The following SLCO1B1 variants were observed in gnomAD, a reference collection of about 807,000 sequenced individuals.
SLCO1B1 encodes the protein solute carrier organic anion transporter family member 1B1, also known as OATP-2.
Under a neutral mutation model 70.1 loss-of-function variants are expected in SLCO1B1, and 81 were observed. The observed-to-expected ratio is 1.16, with a 90% CI of 0.97 to 1.39. SLCO1B1 has a LOEUF of 1.39. Ranked by LOEUF, SLCO1B1 falls within the 40% of genes most tolerant of loss-of-function variation. SLCO1B1 has a pLI of 0.00. For missense variants in SLCO1B1, 895 were observed against 799.6 expected, an observed-to-expected ratio of 1.12 and a Z score of -1.44; for synonymous variants, 283 against 271.5, an observed-to-expected ratio of 1.04 and a Z score of -0.42.
chr12:21,136,488 C>A (rs1940223557), intron 1 of SLCO1B1, among the ~76,000 whole-genome samples: 2 of 151,516 alleles, frequency 1.3e-5, no homozygotes. Context: ...TAGATTTGGT[C>A]TTTTCACATA....
chr12:21,189,141 G>A (rs1314929542), intron 7 of SLCO1B1, among the ~76,000 whole-genome samples: 2 of 152,258 alleles, frequency 1.3e-5, no homozygotes, highest in South Asian at 4.2e-4. Context: ...AAGTGGGATT[G>A]CTGGGTCATA....
At chr12:21,228,107 G>A (rs1591829003) in intron 14 of SLCO1B1, among the ~76,000 whole-genome samples, 1 of 151,582 alleles carries the variant, frequency 6.6e-6, no homozygotes, top group Admixed American at 6.6e-5. Flanking sequence ...AGATTTAAAG[G>A]GTCGGTCTTT....
rs1380993750 is a variant in SLCO1B1, at chr12:21,239,403, G to A, written c.*214G>A. ...TGTTACATTATAGCTACATATTTGT[G>A]GTTAAGGTTAGACTATATGATCCAT... is the stretch of plus-strand genomic sequence containing the variant. On this transcript the variant is annotated 3_prime_UTR_variant, in exon 15 of 15. Transcript: ENST00000256958. Among the ~76,000 whole-genome samples the A allele has an allele frequency of 6.6e-6, 1 of 152,114 alleles. No homozygotes were observed. Among genetic ancestry groups the A allele is most frequent in the African/African-American group, 2.4e-5 (1 of 41,432 alleles).
rs749405048 is a variant in SLCO1B1, at chr12:21,178,557, C to T, written c.482-19C>T. On this transcript the variant is annotated intron_variant, in intron 5 of 14. Coordinates refer to ENST00000256958, the MANE Select transcript of SLCO1B1 (RefSeq NM_006446.5). The stretch of plus-strand genomic sequence containing the variant: ...GCTAAAATTAATGTTTAAAATGAAA[C>T]ACTCTCTTATCTACATAGGTTGTTT... 4 of 1,555,658 alleles carry T rather than the reference C, an allele frequency of 2.6e-6. No homozygotes were observed. In the Admixed American group the frequency reaches 5.1e-5, roughly 20 times the overall value.
In SLCO1B1 at chr12:21,164,395, A is replaced by G. The variant is rs74068928; in HGVS notation, c.85-8255A>G. 4.2e-3 allele frequency among the ~76,000 whole-genome samples: 646 copies of G among 152,150 alleles called. 5 individuals are homozygous for G. The highest frequency in any genetic ancestry group is 0.015 in the African/African-American group (621 of 41,548). ...AACAAAATCAGAATTTACATTTTCT[A>G]TTTTCCCCACCTCCTGTTGGTTCTC... On this transcript the variant is annotated intron_variant, in intron 2 of 14. Transcript: ENST00000256958.
intron 14 of SLCO1B1, among the ~76,000 whole-genome samples, chr12:21,228,341 T>C (rs1384248938): frequency 6.6e-6 from 1 of 152,214 alleles, no homozygotes; most frequent in African/African-American, 2.4e-5. Flanking sequence ...TGACAACTAT[T>C]TTCTCTTGTC....
intron 5 of SLCO1B1, among the ~76,000 whole-genome samples, chr12:21,177,463 A>G (rs1308227644): frequency 6.6e-6 from 1 of 152,188 alleles, no homozygotes; most frequent in Non-Finnish European, 1.5e-5. Flanking sequence ...CAAATTATAA[A>G]TTATAATTGC....
intron 1 of SLCO1B1, among the ~76,000 whole-genome samples, chr12:21,138,066 A>G (rs1288799481): frequency 6.6e-6 from 1 of 152,220 alleles, no homozygotes; most frequent in Non-Finnish European, 1.5e-5. Flanking sequence ...CTGCCTTGAT[A>G]AGACAATTGT....
At chr12:21,237,696 T>A (rs766478568) in intron 14 of SLCO1B1, among the ~76,000 whole-genome samples, 4 of 151,010 alleles carry the variant, frequency 2.6e-5, no homozygotes, top group Non-Finnish European at 5.9e-5. Flanking sequence ...TGTCTGACAT[T>A]AATTTAAGAG....
rs113187556 is a variant in SLCO1B1, at chr12:21,219,795, C to T, written c.1682+2492C>T. ...TTTATTTTTGAGAGACAGTCTTGCT[C>T]TGTCACCCAGGCTGGAGTGCAGTAG... On this transcript the variant is annotated intron_variant, in intron 12 of 14. Transcript: ENST00000256958. 2.7e-3 allele frequency among the ~76,000 whole-genome samples: 407 copies of T among 152,264 alleles called. 1 individual carries two copies. The highest frequency in any genetic ancestry group is 0.019 in the South Asian group (91 of 4,826).
At chr12:21,210,236 A>G (rs1198896404) in intron 11 of SLCO1B1, among the ~76,000 whole-genome samples, 2 of 132,716 alleles carry the variant, frequency 1.5e-5, no homozygotes, top group East Asian at 2.5e-4. Flanking sequence ...TGATTTTTGT[A>G]TAAGGTGTAA....
At chr12:21,143,977 G>A (rs971596202) in intron 2 of SLCO1B1, among the ~76,000 whole-genome samples, 9 of 151,690 alleles carry the variant, frequency 5.9e-5, no homozygotes, top group African/African-American at 1.2e-4. Flanking sequence ...TAATATATCC[G>A]TGGAAATACA....
intron 2 of SLCO1B1, among the ~76,000 whole-genome samples, chr12:21,167,483 C>T (rs1258061612): frequency 6.6e-6 from 1 of 152,138 alleles, no homozygotes; most frequent in African/African-American, 2.4e-5. Flanking sequence ...CACTCTGGCA[C>T]TTTAAACATA....
intron 2 of SLCO1B1, among the ~76,000 whole-genome samples, chr12:21,159,188 C>G (rs1231016914): frequency 6.6e-6 from 1 of 151,968 alleles, no homozygotes; most frequent in African/African-American, 2.4e-5. Flanking sequence ...GTTCTGTAGT[C>G]AAAGTAATCA....
intron 11 of SLCO1B1, among the ~76,000 whole-genome samples, chr12:21,216,519 C>T (rs1479833801): frequency 6.6e-6 from 1 of 152,140 alleles, no homozygotes; most frequent in East Asian, 1.9e-4. Context: ...GCTCTAAACA[C>T]TAGTGGGGCA....
chr12:21,175,266 C>T (rs1940806333), intron 4 of SLCO1B1, among the ~76,000 whole-genome samples: 1 of 152,160 alleles, frequency 6.6e-6, no homozygotes, highest in East Asian at 1.9e-4. Context: ...CTTCATGATC[C>T]AAATTGTGGC....
intron 12 of SLCO1B1, among the ~76,000 whole-genome samples, chr12:21,218,884 C>G (rs1312640616): frequency 6.6e-6 from 1 of 152,142 alleles, no homozygotes; most frequent in East Asian, 1.9e-4. Context: ...GTGAATATGA[C>G]TACAGAATAA....
chr12:21,177,397 T>G (rs965943976), intron 5 of SLCO1B1, among the ~76,000 whole-genome samples: 3 of 152,166 alleles, frequency 2.0e-5, no homozygotes, highest in African/African-American at 7.2e-5. Context: ...TAACTTTGCT[T>G]TCATTGCAAA....
chr12:21,239,382 A>G lies in SLCO1B1; in HGVS notation c.*193A>G, dbSNP rs1941626404. ...AGAAAAAATGAGAGTACTCATTGTT[A>G]CATTATAGCTACATATTTGTGGTTA... On this transcript the variant is annotated 3_prime_UTR_variant, in exon 15 of 15. Coordinates refer to ENST00000256958, the MANE Select transcript of SLCO1B1 (RefSeq NM_006446.5). 1.8e-6 allele frequency: 1 copy of G among 553,402 alleles called. No individual in the cohort carries two copies. The highest frequency in any genetic ancestry group is 1.9e-5 in the African/African-American group (1 of 53,318). 34.3% of individuals were successfully genotyped at this position (553,402 alleles called of 1,614,324 possible).
Sources: gnomAD v4.1 joint callset for allele counts (sites outside exome capture counted in the v4.1 genomes callset) on GRCh38, gnomAD v4.1.1 for gene constraint, MANE v1.5 for transcripts, NCBI Gene and HGNC (gene_info 2026-07-23, HGNC 2026-07-21) for gene names.